AUTS2: variants seen among roughly 807,000 people sequenced by gnomAD.
AUTS2 encodes the protein autism susceptibility gene 2 protein.
AUTS2 carries 17 observed loss-of-function variants against 112.4 expected under a neutral mutation model. The observed-to-expected ratio is 0.15, with a 90% CI of 0.10 to 0.23. The LOEUF is 0.23. AUTS2 is among the 10% of genes least tolerant of loss of function. The pLI is 1.00. For missense variants in AUTS2, 1,510 were observed against 1,701.6 expected, an observed-to-expected ratio of 0.89 and a Z score of 1.98; for synonymous variants, 751 against 702.7, an observed-to-expected ratio of 1.07 and a Z score of -1.09.
chr7:70,617,733 T>C (rs1804453264), intron 5 of AUTS2, among the ~76,000 whole-genome samples: 1 of 151,904 alleles, frequency 6.6e-6, no homozygotes, highest in South Asian at 2.1e-4. Context: ...AGGGGAGAGT[T>C]GGAAAAGTTA....
rs766391532 is a variant in AUTS2, at chr7:70,786,018, G to T, written c.2288G>T (p.Gly763Val). Residue 763 changes from glycine to valine, a missense_variant, in exon 17 of 19, where the codon GGA (glycine) becomes GTA (valine). Physicochemically the swap from Gly to Val is moderately radical, Grantham distance 109. This residue lies in a region of AUTS2 where 788 missense variants were observed against 797.6 expected (regional missense o/e 0.99). Transcript: ENST00000342771. ...LAAVGGNAFG[G>V]LGNPSVTPNS... ...GCAGTTGGTGGCAATGCCTTCGGGG[G>T]ACTTGGAAATCCTTCCGTTAGTGAG... 4 of 1,614,004 alleles carry T rather than the reference G, an allele frequency of 2.5e-6. No homozygotes were observed. In the African/African-American group the frequency reaches 4.0e-5, roughly 16 times the overall value.
At chr7:69,683,673 G>A (rs1288337767) in intron 1 of AUTS2, among the ~76,000 whole-genome samples, 1 of 151,902 alleles carries the variant, frequency 6.6e-6, no homozygotes, top group East Asian at 1.9e-4. Context: ...GAGGCGGGTG[G>A]ATCACTTGAG....
chr7:70,604,597 C>A (rs974723446), intron 5 of AUTS2, among the ~76,000 whole-genome samples: 1 of 152,208 alleles, frequency 6.6e-6, no homozygotes, highest in African/African-American at 2.4e-5. Context: ...GGCTGTTCCC[C>A]AGTATAGAAT....
At chr7:69,958,404 C>T (rs1562995090) in intron 2 of AUTS2, among the ~76,000 whole-genome samples, 1 of 152,154 alleles carries the variant, frequency 6.6e-6, no homozygotes, top group Non-Finnish European at 1.5e-5. Flanking sequence ...TCTGGTGCCA[C>T]TGCATGATAA....
intron 4 of AUTS2, among the ~76,000 whole-genome samples, chr7:70,418,085 G>GTT (rs1795061267): frequency 7.0e-6 from 1 of 143,498 alleles, no homozygotes; most frequent in East Asian, 2.0e-4. Context: ...CTGTGTGTGT[G>GTT]TGTGTGTGTG....
At chr7:70,102,117 T>G (rs892030005) in intron 2 of AUTS2, among the ~76,000 whole-genome samples, 2 of 132,618 alleles carry the variant, frequency 1.5e-5, no homozygotes, top group Non-Finnish European at 3.3e-5. Flanking sequence ...AGTGTTTACT[T>G]TTTTTTTTTT....
intron 2 of AUTS2, among the ~76,000 whole-genome samples, chr7:70,053,544 G>GTTTTTTTTTTTGTTTTTTTTTTTTT (rs374585322): frequency 7.8e-6 from 1 of 127,846 alleles, no homozygotes; most frequent in African/African-American, 3.1e-5. Context: ...GTTTTGGGTG[G>GTTTTTTTTTTTGTTTTTTTTTTTTT]TTTTTTTTTT....
chr7:70,034,741 T>C (rs1404684644), intron 2 of AUTS2, among the ~76,000 whole-genome samples: 1 of 152,204 alleles, frequency 6.6e-6, no homozygotes, highest in African/African-American at 2.4e-5. Context: ...TTAGCTTCCT[T>C]GTTATGACCG....
intron 5 of AUTS2, among the ~76,000 whole-genome samples, chr7:70,643,973 G>A (rs1806003549): frequency 1.3e-5 from 2 of 152,000 alleles, no homozygotes; most frequent in Admixed American, 1.3e-4. Flanking sequence ...TACCATATCT[G>A]TGCTGCAGTA....
At chr7:70,016,668 A>ATTT (rs1011719036) in intron 2 of AUTS2, among the ~76,000 whole-genome samples, 3 of 140,780 alleles carry the variant, frequency 2.1e-5, no homozygotes, top group African/African-American at 7.8e-5. Flanking sequence ...GCCTTGACAG[A>ATTT]TTTTTTTTTT....
intron 1 of AUTS2, among the ~76,000 whole-genome samples, chr7:69,696,411 A>G (rs1418680601): frequency 6.6e-6 from 1 of 151,984 alleles, no homozygotes; most frequent in African/African-American, 2.4e-5. Context: ...TTTTTTTTTT[A>G]CGTGAAGGGT....
At position 69,839,219 on chromosome 7, in the gene AUTS2, G is replaced by A. The variant is rs148580221; in HGVS notation, c.310-60067G>A. On this transcript the variant is annotated intron_variant, in intron 1 of 18. Coordinates refer to ENST00000342771, the MANE Select transcript of AUTS2 (RefSeq NM_015570.4). ...ACAGTGAATTGCTAACTTTTCACTGGCTTTCTTTTTGCTTGGACATTTTAC... is the reference window on the plus strand; with the variant it reads ...ACAGTGAATTGCTAACTTTTCACTGACTTTCTTTTTGCTTGGACATTTTAC... Among the ~76,000 whole-genome samples, 869 of 152,230 alleles carry A rather than the reference G, an allele frequency of 5.7e-3. 1 individual carries two copies. The highest frequency in any genetic ancestry group is 9.8e-3 in the Non-Finnish European group (666 of 68,002).
At chr7:70,424,762 T>G (rs1171902698) in intron 4 of AUTS2, among the ~76,000 whole-genome samples, 5 of 152,050 alleles carry the variant, frequency 3.3e-5, no homozygotes, top group Non-Finnish European at 5.9e-5. Flanking sequence ...ATTTTAAAAT[T>G]TTTTGCAGGG....
intron 4 of AUTS2, among the ~76,000 whole-genome samples, chr7:70,157,279 CT>C (rs1001240672): frequency 5.3e-5 from 8 of 151,446 alleles, no homozygotes; most frequent in South Asian, 2.1e-4. Context: ...TCTTTTTCTC[CT>C]TTTTTTGTTT....
intron 6 of AUTS2, among the ~76,000 whole-genome samples, chr7:70,731,591 G>A (rs1270351213): frequency 8.6e-5 from 13 of 151,490 alleles, no homozygotes; most frequent in African/African-American, 1.5e-4. Flanking sequence ...CACCATGCCC[G>A]GCTAATTTTT....
At chr7:70,449,897 C>G (rs1217054862) in intron 5 of AUTS2, among the ~76,000 whole-genome samples, 1 of 152,110 alleles carries the variant, frequency 6.6e-6, no homozygotes, top group Non-Finnish European at 1.5e-5. Context: ...GAATTACTCC[C>G]CTGCCCCACC....
intron 1 of AUTS2, among the ~76,000 whole-genome samples, chr7:69,638,079 T>C (rs1794630364): frequency 6.6e-6 from 1 of 152,254 alleles, no homozygotes; most frequent in Admixed American, 6.5e-5. Context: ...AATCCAGTGG[T>C]GCATTCACAA....
intron 2 of AUTS2, among the ~76,000 whole-genome samples, chr7:69,984,339 G>T (rs1798418145): frequency 2.0e-5 from 3 of 150,818 alleles, no homozygotes; most frequent in African/African-American, 7.3e-5. Context: ...CTCAGGAGGT[G>T]GAGCTTGCAG....
chr7:70,064,661 G>A (rs181366892), intron 2 of AUTS2, among the ~76,000 whole-genome samples: 9 of 152,226 alleles, frequency 5.9e-5, no homozygotes, highest in African/African-American at 2.2e-4. Context: ...AGACTTAAAG[G>A]CAAATGTGGT....
Sources: allele counts gnomAD v4.1 joint callset (sites outside exome capture counted in the v4.1 genomes callset), GRCh38; gene constraint gnomAD v4.1.1; regional missense constraint gnomAD v4.1.1; transcripts MANE v1.5; gene names NCBI Gene and HGNC (gene_info 2026-07-23, HGNC 2026-07-21).